WDPCP: variants seen among roughly 807,000 people sequenced by gnomAD.
WDPCP encodes the protein WD repeat containing planar cell polarity effector.
WDPCP carries 71 observed loss-of-function variants against 93.1 expected under a neutral mutation model. The ratio of observed to expected loss-of-function variants is 0.76; its 90% CI spans 0.63 to 0.93. The LOEUF is 0.93. Among genes scored for constraint, WDPCP ranks in the 40% least tolerant of loss-of-function variants. WDPCP has a pLI of 0.00. For missense variants in WDPCP, 844 were observed against 887.4 expected (o/e 0.95, Z 0.62); for synonymous variants, 315 against 315.0 (o/e 1.00, Z 0.00).
At chr2:63,443,653 T>G (rs935352355) in intron 6 of WDPCP, among the ~76,000 whole-genome samples, 1 of 152,114 alleles carries the variant, frequency 6.6e-6, no homozygotes, top group Non-Finnish European at 1.5e-5. Context: ...ATAATTTATG[T>G]TTTAAAGCGG....
chr2:63,128,874 G>A (rs1305607940), intron 17 of WDPCP, among the ~76,000 whole-genome samples: 1 of 152,164 alleles, frequency 6.6e-6, no homozygotes, highest in East Asian at 1.9e-4. Context: ...CTCCGTGTTG[G>A]TCAGGCTGGT....
At chr2:63,400,787 C>T (rs1288793628) in intron 10 of WDPCP, among the ~76,000 whole-genome samples, 1 of 152,120 alleles carries the variant, frequency 6.6e-6, no homozygotes, top group African/African-American at 2.4e-5. Context: ...GGTACCAAAA[C>T]TGATATATAG....
intron 13 of WDPCP, among the ~76,000 whole-genome samples, chr2:63,298,548 C>G (rs149704846): frequency 1.3e-5 from 2 of 152,142 alleles, no homozygotes; most frequent in African/African-American, 2.4e-5. Context: ...TTCTCCCATG[C>G]TGGATGCTTC....
At chr2:63,370,682 T>G (rs1171615416) in intron 12 of WDPCP, among the ~76,000 whole-genome samples, 1 of 152,158 alleles carries the variant, frequency 6.6e-6, no homozygotes, top group Non-Finnish European at 1.5e-5. Context: ...CCATTTTCTT[T>G]CATGTGTATA....
chr2:63,471,614 C>A (rs573946429), intron 6 of WDPCP, among the ~76,000 whole-genome samples: 2 of 152,280 alleles, frequency 1.3e-5, no homozygotes, highest in South Asian at 4.1e-4. Context: ...TTTACCATAT[C>A]TCTTATTATC....
At chr2:63,352,758 C>T (rs1211611620) in intron 12 of WDPCP, among the ~76,000 whole-genome samples, 5 of 152,142 alleles carry the variant, frequency 3.3e-5, no homozygotes, top group South Asian at 2.1e-4. Flanking sequence ...TCCATTAAGG[C>T]TAGGAACATA....
At chr2:63,447,588 A>G (rs977795851) in intron 6 of WDPCP, among the ~76,000 whole-genome samples, 5 of 152,126 alleles carry the variant, frequency 3.3e-5, no homozygotes, top group African/African-American at 1.2e-4. Context: ...TTAACTTATT[A>G]AAAAATTTTA....
intron 17 of WDPCP, among the ~76,000 whole-genome samples, chr2:63,148,781 C>T (rs1389745587): frequency 6.6e-6 from 1 of 151,894 alleles, no homozygotes; most frequent in Non-Finnish European, 1.5e-5. Flanking sequence ...AAGGAATTTA[C>T]AAGATGAGTC....
At chr2:63,570,007 G>A (rs756391279) in intron 1 of WDPCP, among the ~76,000 whole-genome samples, 5 of 152,168 alleles carry the variant, frequency 3.3e-5, no homozygotes, top group Admixed American at 3.3e-4. Flanking sequence ...CCCTGCTTCT[G>A]TTAGTAGGGC....
intron 1 of WDPCP, among the ~76,000 whole-genome samples, chr2:63,540,371 A>C (rs551320898): frequency 2.3e-4 from 35 of 152,204 alleles, no homozygotes; most frequent in Admixed American, 2.2e-3. Flanking sequence ...TTCAGAGTAG[A>C]TAATTATGTA....
chr2:63,362,331 G>T (rs1690549729), intron 12 of WDPCP, among the ~76,000 whole-genome samples: 1 of 146,312 alleles, frequency 6.8e-6, no homozygotes, highest in South Asian at 2.2e-4. Flanking sequence ...GGGAGGGGAA[G>T]AGAGAGGGAG....
At chr2:63,140,781 T>A (rs1429906689) in intron 17 of WDPCP, among the ~76,000 whole-genome samples, 1 of 152,148 alleles carries the variant, frequency 6.6e-6, no homozygotes, top group African/African-American at 2.4e-5. Flanking sequence ...GACTTCCTGT[T>A]TACTGATTTG....
intron 6 of WDPCP, among the ~76,000 whole-genome samples, chr2:63,478,327 G>T (rs2105868875): frequency 6.6e-6 from 1 of 151,686 alleles, no homozygotes; most frequent in Non-Finnish European, 1.5e-5. Context: ...CTATACCCTA[G>T]AAAAAAAATG....
intron 11 of WDPCP, among the ~76,000 whole-genome samples, chr2:63,380,844 C>G (rs542890026): frequency 6.6e-6 from 1 of 152,182 alleles, no homozygotes; most frequent in South Asian, 2.1e-4. Flanking sequence ...CCAAGACCCA[C>G]GATACAGACT....
At chr2:63,416,527 CTT>C (rs761206190) in intron 9 of WDPCP, among the ~76,000 whole-genome samples, 9 of 58,298 alleles carry the variant, frequency 1.5e-4, no homozygotes, top group Admixed American at 3.7e-4. Flanking sequence ...ACCAAAAATA[CTT>C]TTTTTTTTTT....
At position 63,157,322 on chromosome 2, in the gene WDPCP, T is replaced by C. The variant is rs191955089; in HGVS notation, c.2079-3748A>G. On this transcript the variant is annotated intron_variant, in intron 15 of 17. Transcript: ENST00000272321. Reference sequence around the variant, plus strand: ...GTAGTCTATAGTTTTTTGTACTTTTTTTTCTTTCGTTTTGTAAAAAATTCC... The same window carrying C: ...GTAGTCTATAGTTTTTTGTACTTTTCTTTCTTTCGTTTTGTAAAAAATTCC... 7.9e-5 allele frequency among the ~76,000 whole-genome samples: 12 copies of C among 152,224 alleles called. No homozygotes were observed. The East Asian group carries it at 2.3e-3, about 29-fold the overall frequency.
At chr2:63,178,694 T>A (rs1674003245) in intron 14 of WDPCP, among the ~76,000 whole-genome samples, 1 of 152,190 alleles carries the variant, frequency 6.6e-6, no homozygotes, top group Non-Finnish European at 1.5e-5. Context: ...GCTTTTGTAT[T>A]CTGTATTTCA....
chr2:63,215,973 C>G (rs1272903314), intron 14 of WDPCP, among the ~76,000 whole-genome samples: 1 of 152,176 alleles, frequency 6.6e-6, no homozygotes, highest in Non-Finnish European at 1.5e-5. Context: ...TCATCACTGG[C>G]CATCAGAGAA....
At chr2:63,393,548 A>G (rs1054468073) in intron 10 of WDPCP, among the ~76,000 whole-genome samples, 2 of 151,990 alleles carry the variant, frequency 1.3e-5, no homozygotes, top group Non-Finnish European at 2.9e-5. Flanking sequence ...ATAAAATAAA[A>G]AAGGGGAAAA....
Sources: gnomAD v4.1 joint callset for allele counts (sites outside exome capture counted in the v4.1 genomes callset) on GRCh38, gnomAD v4.1.1 for gene constraint, MANE v1.5 for transcripts, NCBI Gene and HGNC (gene_info 2026-07-23, HGNC 2026-07-21) for gene names.